MEFV: variants seen among roughly 807,000 people sequenced by gnomAD.
MEFV encodes the protein pyrin.
A neutral mutation model predicts 62.5 loss-of-function variants in MEFV; 60 were observed. That is an observed-to-expected ratio of 0.96 (90% CI 0.78 to 1.19). The LOEUF (loss-of-function observed/expected upper bound fraction) is 1.19, where lower values mean the gene tolerates loss of function less well. Among genes scored for constraint, MEFV ranks in the 50% most tolerant of loss-of-function variants. The probability of loss-of-function intolerance (pLI) is 0.00; values close to 1 mark genes in which losing one functional copy is unlikely to be tolerated. For missense variants in MEFV, 1,169 were observed against 1,004.5 expected (o/e 1.16, Z -2.21); for synonymous variants, 500 against 415.2 (o/e 1.20, Z -2.48).
rs143586536 is a variant in MEFV at position 3,250,747 on chromosome 16, C to T, written c.911-967G>A. On this transcript the variant is annotated intron_variant, in intron 2 of 9. Transcript: ENST00000219596. ...ACAAGAAGAAATAGAAACACAAGGC[C>T]GAGCGCAGTGGCTCACGCCTGTAAT... 1.2e-3 allele frequency among the ~76,000 whole-genome samples: 182 copies of T among 151,102 alleles called. 4 individuals are homozygous for T. The highest frequency in any genetic ancestry group is 5.9e-3 in the East Asian group (30 of 5,118).
chr16:3,245,334 AG>A (rs1347535815), intron 6 of MEFV, among the ~76,000 whole-genome samples: 20 of 139,796 alleles, frequency 1.4e-4, no homozygotes, highest in East Asian at 7.6e-4. Flanking sequence ...GAAGGGAGGG[AG>A]GGAGGGAAGG....
rs1181955386 is a variant in MEFV at position 3,242,746 on chromosome 16, C to T, written c.*395G>A. On this transcript the variant is annotated 3_prime_UTR_variant, in exon 10 of 10. Coordinates refer to ENST00000219596, the MANE Select transcript of MEFV (RefSeq NM_000243.3). ...CTTCTATCCCAATCCAGTCTGCTTG[C>T]GTTTCTCTAGGCTTCCCATATCCTC... The T allele has an allele frequency of 1.4e-5, 4 of 291,838 alleles. No homozygotes were observed. Among genetic ancestry groups the T allele is most frequent in the African/African-American group, 8.7e-5 (4 of 45,886 alleles). The allele number at this position is 291,838 out of a possible 1,614,324, so 18.1% of individuals were successfully genotyped here.
At chr16:3,255,054 T>C (rs1458859122) in intron 1 of MEFV, among the ~76,000 whole-genome samples, 1 of 152,168 alleles carries the variant, frequency 6.6e-6, no homozygotes, top group African/African-American at 2.4e-5. Context: ...TGGTGGCGCA[T>C]GCCTGTAATC....
At chr16:3,249,882 G>A (rs1487050543) in intron 2 of MEFV, 102 bp from the exon 3 acceptor site, 12 of 965,000 alleles carry the variant, frequency 1.2e-5, no homozygotes, top group African/African-American at 4.9e-5. Flanking sequence ...TGAGATGTGC[G>A]AGTTCTCAGT....
rs104895143 is a variant in MEFV at position 3,254,538 on chromosome 16, G to A, written c.530C>T (p.Thr177Ile). 3.2e-6 allele frequency: 5 copies of A among 1,555,812 alleles called. 1 individual carries two copies. Among genetic ancestry groups the A allele is most frequent in the Middle Eastern group, 4.3e-4 (2 of 4,682 alleles). ...CCCGCCCGGCAGGGCCGGGCTCCGG[G>A]TCCGAGGCTTGCCCTGCGCGTCCAG... ...EGLDAQGKPR[T>I]RSPALPGGRS... Residue 177 changes from threonine (T) to isoleucine (I), a missense_variant, in exon 2 of 10, where the codon ACC (threonine) becomes ATC (isoleucine). Transcript: ENST00000219596.
chr16:3,249,580 G>T lies in MEFV; in HGVS notation c.1111C>A (p.Pro371Thr), dbSNP rs1959000088. ...AGGTGGCGCTTACACTGTGGCAGGG[G>T]CTGGGGGCTTAGGCTTCCCGGGCTC... ...RKSPGSLSPQ[P>T]LPQCKRHLKQ... The change falls in exon 3 of 10, where the codon CCC becomes ACC. Residue 371 changes from proline (P) to threonine (T), a missense_variant. Physicochemically the swap from Pro to Thr is conservative, Grantham distance 38. Transcript: ENST00000219596. 3 of 1,614,124 alleles carry T rather than the reference G, an allele frequency of 1.9e-6. No individual in the cohort carries two copies. Among genetic ancestry groups the T allele is most frequent in the African/African-American group, 1.3e-5 (1 of 74,956 alleles).
At position 3,249,583 on chromosome 16, in the gene MEFV, G is replaced by A; in HGVS notation, c.1108C>T (p.Gln370Ter). 1 of 1,614,204 alleles carries A rather than the reference G, an allele frequency of 6.2e-7. No homozygotes were observed. The highest frequency in any genetic ancestry group is 1.3e-5 in the African/African-American group (1 of 75,066). ...ERKSPGSLSP[Q>*]PLPQCKRHLK... is the part of the protein sequence containing the mutation. ...TGGCGCTTACACTGTGGCAGGGGCT[G>A]GGGGCTTAGGCTTCCCGGGCTCTTC... The change falls in exon 3 of 10, where the codon CAG becomes TAG. Residue 370 changes from glutamine (Q) to a stop codon, truncating the protein, a stop_gained. Transcript: ENST00000219596. LOFTEE classifies it high-confidence loss of function.
At position 3,249,483 on chromosome 16, in the gene MEFV, T is replaced by C; in HGVS notation, c.1208A>G (p.Glu403Gly). The change falls in exon 3 of 10, where the codon GAG (glutamate) becomes GGG (glycine). Residue 403 changes from glutamate (E) to glycine (G), a missense_variant. Physicochemically the swap from Glu to Gly is moderately conservative, Grantham distance 98. Coordinates refer to ENST00000219596, the MANE Select transcript of MEFV (RefSeq NM_000243.3). ...PICLICSLSQ[E>G]HQGHRVRPIE... ...GGGGCGCACCCGGTGGCCTTGGTGC[T>C]CCTGACTCAGACTGCAGATGAGGCA... 1.2e-6 allele frequency: 2 copies of C among 1,614,162 alleles called. 1 individual carries two copies. Among genetic ancestry groups the C allele is most frequent in the South Asian group, 2.2e-5 (2 of 91,084 alleles).
chr16:3,252,447 G>T (rs1365410187), intron 2 of MEFV, among the ~76,000 whole-genome samples: 5 of 151,870 alleles, frequency 3.3e-5, no homozygotes, highest in African/African-American at 4.8e-5. Context: ...AGCAAATTTA[G>T]TATTTTTAGT....
chr16:3,256,097 A>G (rs1959111573), intron 1 of MEFV, among the ~76,000 whole-genome samples: 1 of 152,168 alleles, frequency 6.6e-6, no homozygotes, highest in Non-Finnish European at 1.5e-5. Context: ...TGCTTCTTAA[A>G]AAACCCATTA....
rs770613291 is a variant in MEFV at position 3,244,582 on chromosome 16, C to A, written c.1617G>T (p.Lys539Asn). 1.9e-6 allele frequency: 3 copies of A among 1,613,496 alleles called. No homozygotes were observed. The East Asian group carries it at 6.7e-5, about 36-fold the overall frequency. ...QDIGDILHRA[K>N]TVPVPEKWTT... ...TCCACTTTTCAGGGACAGGCACTGT[C>A]TTAGCCCTAGAGACAAAAGACTGTT... Residue 539 changes from lysine to asparagine, a missense_variant, in exon 7 of 10, where the codon AAG (lysine) becomes AAT (asparagine). Physicochemically the swap from Lys to Asn is moderately conservative, Grantham distance 94 (BLOSUM62 0). Transcript: ENST00000219596.
At chr16:3,246,642 C>G (rs1958947762) in intron 5 of MEFV, 95 bp from the exon 6 acceptor site, 2 of 1,357,962 alleles carry the variant, frequency 1.5e-6, no homozygotes, top group African/African-American at 1.4e-5. Flanking sequence ...CTTTTAGCTC[C>G]CCGCTGCACT....
chr16:3,253,818 C>A (rs55877753), intron 2 of MEFV, among the ~76,000 whole-genome samples: 4,550 of 152,176 alleles, frequency 0.03, 113 homozygotes, highest in Non-Finnish European at 0.046. Context: ...AGGCGCGTGC[C>A]ACTATTGTAT....
chr16:3,254,602 T>G lies in MEFV; in HGVS notation c.466A>C (p.Lys156Gln), dbSNP rs1462493287. Reference protein sequence around the residue: ...QPEAGRGLSRKPLSKRREKAS... With the variant: ...QPEAGRGLSRQPLSKRREKAS... ...TTCTCTCTGCGTTTGCTCAGGGGCT[T>G]CCTCGACAGCCCCCTCCCGGCCTCG... Residue 156 changes from lysine (K) to glutamine (Q), a missense_variant, in exon 2 of 10, where the codon AAG becomes CAG. By Grantham distance (53) the Lys-to-Gln change is moderately conservative. Transcript: ENST00000219596. The G allele has an allele frequency of 2.7e-5, 43 of 1,599,768 alleles. No individual in the cohort carries two copies. In the Admixed American group the frequency reaches 7.3e-4, roughly 27 times the overall value.
At chr16:3,253,725 A>G (rs1280200798) in intron 2 of MEFV, among the ~76,000 whole-genome samples, 1 of 151,946 alleles carries the variant, frequency 6.6e-6, no homozygotes, top group Non-Finnish European at 1.5e-5. Flanking sequence ...TACGTTGCTC[A>G]GGCTGGTGTG....
chr16:3,253,914 G>C (rs1322951225), intron 2 of MEFV, among the ~76,000 whole-genome samples: 1 of 152,116 alleles, frequency 6.6e-6, no homozygotes, highest in Non-Finnish European at 1.5e-5. Context: ...GCCTCTCAAA[G>C]CTCTGGGATT....
chr16:3,243,144 G>C lies in MEFV; in HGVS notation c.2343C>G (p.Asp781Glu). The C allele has an allele frequency of 1.2e-6, 2 of 1,613,270 alleles. No homozygotes were observed. The highest frequency in any genetic ancestry group is 1.7e-6 in the Non-Finnish European group (2 of 1,179,988). The change falls in exon 10 of 10, where the codon GAC becomes GAG. Residue 781 changes from aspartate (D) to glutamate (E), a missense_variant. Transcript: ENST00000219596. ...AGAGAGATGCAGTGTTGGGCATTCA[G>C]TCAGGCCCCTGACCACCCACTGGAC... ...TICPVGGQGP[D>E]
At position 3,254,440 on chromosome 16, in the gene MEFV, C is replaced by T. The variant is rs774360372; in HGVS notation, c.628G>A (p.Ala210Thr). Residue 210 changes from alanine to threonine, a missense_variant, in exon 2 of 10, where the codon GCG (alanine) becomes ACG (threonine). Physicochemically the swap from Ala to Thr is moderately conservative, Grantham distance 58. Coordinates refer to ENST00000219596, the MANE Select transcript of MEFV (RefSeq NM_000243.3). ...CCCGCCAGCCCCTGCAGCCTCCCCG[C>T]GGAGCTGGCGTTTCTGCGCAGCCGG... ...EVRLRRNASS[A>T]GRLQGLAGGA... The T allele has an allele frequency of 2.5e-6, 4 of 1,610,048 alleles. No individual in the cohort carries two copies. The highest frequency in any genetic ancestry group is 3.3e-5 in the Admixed American group (2 of 59,780).
rs761077000 is a variant in MEFV, at chr16:3,243,075, G to A, written c.*66C>T. ...GCAGCTAGCACCTAGTCGGCATTCC[G>A]TGACTATTGAGTGTGAATGCAAGAT... On this transcript the variant is annotated 3_prime_UTR_variant, in exon 10 of 10. Transcript: ENST00000219596. 1.0e-5 allele frequency: 16 copies of A among 1,555,590 alleles called. No individual in the cohort carries two copies. Among genetic ancestry groups the A allele is most frequent in the East Asian group, 2.2e-5 (1 of 44,586 alleles).
Sources: gnomAD v4.1 joint callset for allele counts (sites outside exome capture counted in the v4.1 genomes callset) on GRCh38, gnomAD v4.1.1 for gene constraint, MANE v1.5 for transcripts, NCBI Gene and HGNC (gene_info 2026-07-23, HGNC 2026-07-21) for gene names.